FUT8: variants seen among roughly 807,000 people sequenced by gnomAD.
FUT8 encodes the protein fucosyltransferase 8.
In FUT8, 29 loss-of-function variants were observed where a neutral mutation model predicts 71.3. The observed-to-expected ratio is 0.41, with a 90% CI of 0.30 to 0.55. The LOEUF (loss-of-function observed/expected upper bound fraction) is 0.55. Among genes scored for constraint, FUT8 ranks in the 20% least tolerant of loss-of-function variants. The pLI is 0.34. For missense variants in FUT8, 544 were observed against 702.1 expected, an observed-to-expected ratio of 0.77 and a Z score of 2.55; for synonymous variants, 254 against 239.3, an observed-to-expected ratio of 1.06 and a Z score of -0.57.
chr14:65,514,967 C>G (rs1261221170), intron 2 of FUT8, among the ~76,000 whole-genome samples: 3 of 149,458 alleles, frequency 2.0e-5, no homozygotes, highest in Non-Finnish European at 4.5e-5. Context: ...TGTTTTCCTC[C>G]TTCCTTTGAC....
At chr14:65,590,109 A>G (rs1566838622) in intron 3 of FUT8, among the ~76,000 whole-genome samples, 1 of 151,828 alleles carries the variant, frequency 6.6e-6, no homozygotes, top group Non-Finnish European at 1.5e-5. Flanking sequence ...ATTTCCTAGC[A>G]TTTTTTTTGT....
At chr14:65,400,072 G>T in the FUT8 span, among the ~76,000 whole-genome samples, 37 of 152,284 alleles carry the variant, frequency 2.4e-4, 3 homozygotes, top group Admixed American at 2.2e-3. Context: ...ATGAAATATG[G>T]AACCTGAAAG....
chr14:65,435,410 G>T (rs1218378079), intron 1 of FUT8, among the ~76,000 whole-genome samples: 4 of 152,170 alleles, frequency 2.6e-5, no homozygotes, highest in African/African-American at 9.7e-5. Context: ...AATTCATTGA[G>T]ATTCATTTAT....
At position 65,638,556 on chromosome 14, in the gene FUT8, A is replaced by C. The variant is rs73268534; in HGVS notation, c.597+8950A>C. On this transcript the variant is annotated intron_variant, in intron 6 of 10. Coordinates refer to ENST00000673929, the MANE Select transcript of FUT8 (RefSeq NM_001371533.1). This position sits in a 1 kb window ranked among gnomAD's most constrained non-coding sequence, Gnocchi z 4.5. ...AATAAGTTTTATTGGAGAAATAGAA[A>C]ACTTCTCCAGTGACAGTATATGATC... Among the ~76,000 whole-genome samples the C allele has an allele frequency of 0.015, 2,273 of 152,164 alleles. 58 individuals carry two copies. The highest frequency in any genetic ancestry group is 0.051 in the African/African-American group (2,121 of 41,498).
intron 2 of FUT8, among the ~76,000 whole-genome samples, chr14:65,511,515 T>C (rs867496441): frequency 4.1e-4 from 62 of 152,322 alleles, no homozygotes; most frequent in Admixed American, 3.7e-3. Context: ...TATTATTGTA[T>C]TGGAGTCTTT....
At chr14:65,594,596 C>G (rs1349257396) in intron 3 of FUT8, among the ~76,000 whole-genome samples, 2 of 152,138 alleles carry the variant, frequency 1.3e-5, no homozygotes, top group African/African-American at 4.8e-5. Context: ...ATCCCAAATT[C>G]TTGTCTGGTG....
chr14:65,677,445 G>T (rs1323721111), intron 7 of FUT8, among the ~76,000 whole-genome samples: 1 of 151,990 alleles, frequency 6.6e-6, no homozygotes, highest in African/African-American at 2.4e-5. Context: ...CCTATTATAA[G>T]TAGCCATTAA....
At chr14:65,735,848 GT>G (rs1896191422) in intron 10 of FUT8, among the ~76,000 whole-genome samples, 2 of 152,106 alleles carry the variant, frequency 1.3e-5, no homozygotes, top group South Asian at 4.1e-4. Context: ...AAAGTTTAAT[GT>G]TTTTGTAGTG....
chr14:65,392,249 G>T, the FUT8 span, among the ~76,000 whole-genome samples: 1 of 152,136 alleles, frequency 6.6e-6, no homozygotes, highest in East Asian at 1.9e-4. Context: ...TTGTTAGAGG[G>T]CAGAATTACT....
intron 5 of FUT8, 105 bp downstream of exon 5, chr14:65,616,478 C>A: frequency 1.0e-6 from 1 of 986,154 alleles, no homozygotes; most frequent in Non-Finnish European, 1.4e-6. Context: ...ATATTAATAG[C>A]ACCTACAATA....
chr14:65,373,605 C>T, the FUT8 span, among the ~76,000 whole-genome samples: 2 of 152,232 alleles, frequency 1.3e-5, no homozygotes, highest in South Asian at 4.1e-4. Context: ...GTGTGCTTCC[C>T]CTCCCGTAAG....
At chr14:65,377,007 G>T in the FUT8 span, among the ~76,000 whole-genome samples, 1 of 152,190 alleles carries the variant, frequency 6.6e-6, no homozygotes, top group Non-Finnish European at 1.5e-5. Flanking sequence ...TCTTAACCTA[G>T]TAATAAATTG....
chr14:65,624,079 A>C (rs928242599), intron 5 of FUT8, among the ~76,000 whole-genome samples: 2 of 152,210 alleles, frequency 1.3e-5, no homozygotes, highest in Non-Finnish European at 2.9e-5. Flanking sequence ...CTGCAGGATG[A>C]TAACTTTCAA....
intron 6 of FUT8, among the ~76,000 whole-genome samples, chr14:65,630,959 G>C (rs1051561955): frequency 6.6e-6 from 1 of 152,118 alleles, no homozygotes; most frequent in Non-Finnish European, 1.5e-5. Flanking sequence ...CCAGTGATAT[G>C]GTTCTGTATA....
intron 3 of FUT8, among the ~76,000 whole-genome samples, chr14:65,608,638 T>C (rs1458632785): frequency 6.6e-6 from 1 of 151,976 alleles, no homozygotes; most frequent in African/African-American, 2.4e-5. Context: ...ATTTTTGAAA[T>C]ACATATCAAA....
At chr14:65,575,707 C>T (rs1333809007) in intron 3 of FUT8, among the ~76,000 whole-genome samples, 2 of 151,988 alleles carry the variant, frequency 1.3e-5, no homozygotes, top group East Asian at 1.9e-4. Context: ...CAACCTCCAC[C>T]TCCCGGGTTC....
At chr14:65,482,975 C>T (rs958192129) in intron 2 of FUT8, among the ~76,000 whole-genome samples, 2 of 152,170 alleles carry the variant, frequency 1.3e-5, no homozygotes, top group African/African-American at 4.8e-5. Flanking sequence ...TCACCATTAT[C>T]AGGCTTCTGC....
chr14:65,534,588 G>C (rs1222654979), intron 2 of FUT8, among the ~76,000 whole-genome samples: 1 of 121,024 alleles, frequency 8.3e-6, no homozygotes, highest in African/African-American at 3.0e-5. Flanking sequence ...ATTTATTACT[G>C]ATTAAATTTT....
At chr14:65,664,520 T>C (rs1469067569) in intron 6 of FUT8, among the ~76,000 whole-genome samples, 2 of 152,168 alleles carry the variant, frequency 1.3e-5, no homozygotes, top group Non-Finnish European at 2.9e-5. Context: ...AAAAAGGCTC[T>C]TAACTCTTCC....
Sources: gnomAD v4.1 joint callset for allele counts (sites outside exome capture counted in the v4.1 genomes callset) on GRCh38, gnomAD v4.1.1 for gene constraint, Gnocchi (gnomAD v3.1) non-coding constraint, MANE v1.5 for transcripts, NCBI Gene and HGNC (gene_info 2026-07-23, HGNC 2026-07-21) for gene names.